The following CR1 variants were observed in gnomAD, a reference collection of about 807,000 sequenced individuals.
CR1 encodes complement C3b/C4b receptor 1 (Knops blood group), also known as complement receptor type 1.
Under a neutral mutation model 187.3 loss-of-function variants are expected in CR1, and 116 were observed. That is an observed-to-expected ratio of 0.62 (90% CI 0.53 to 0.72). The LOEUF (loss-of-function observed/expected upper bound fraction) is 0.72. CR1 is among the 30% of genes least tolerant of loss of function. The probability of loss-of-function intolerance (pLI) is 0.00; values close to 1 mark genes in which losing one functional copy is unlikely to be tolerated. For synonymous variants in CR1, 576 were observed against 747.1 expected (o/e 0.77, Z 3.73); for missense variants, 1,731 against 2,110.7 (o/e 0.82, Z 3.52).
intron 45 of CR1, among the ~76,000 whole-genome samples, chr1:207,625,575 T>A (rs1229108306): frequency 2.0e-5 from 3 of 152,246 alleles, no homozygotes; most frequent in Non-Finnish European, 4.4e-5. Context: ...AAGAAAGAGA[T>A]GAATTAATAC....
chr1:207,584,553 A>G, intron 32 of CR1, 96 bp from the exon 33 acceptor site: 4 of 1,430,224 alleles, frequency 2.8e-6, no homozygotes, highest in Middle Eastern at 1.9e-4. Context: ...AAGTACGCTT[A>G]ATTGGCAACA....
At chr1:207,611,571 A>G (rs1661930402) in intron 37 of CR1, 106 bp from the exon 38 acceptor site, 16 of 1,494,954 alleles carry the variant, frequency 1.1e-5, no homozygotes, top group African/African-American at 1.4e-5. Flanking sequence ...CTCTTTTAAT[A>G]GCTGCACTCT....
chr1:207,514,010 C>G (rs1292993601), intron 4 of CR1, among the ~76,000 whole-genome samples: 1 of 151,950 alleles, frequency 6.6e-6, no homozygotes, highest in South Asian at 2.1e-4. Context: ...CTTATATATT[C>G]TTCATTGCTA....
intron 31 of CR1, among the ~76,000 whole-genome samples, chr1:207,581,325 CATGTACATGTGT>C (rs1660942029): frequency 2.8e-5 from 4 of 141,728 alleles, no homozygotes; most frequent in African/African-American, 9.0e-5. Context: ...TATACGTATA[CATGTACATGTGT>C]ATATGTATAC....
At position 207,523,041 on chromosome 1, in the gene CR1, G is replaced by T. The variant is rs188894255; in HGVS notation, c.488-570G>T. On this transcript the variant is annotated intron_variant, in intron 4 of 46. Coordinates refer to ENST00000367049, the MANE Select transcript of CR1 (RefSeq NM_000651.6). ...TTGTGAAACCTTGAAATTACATTTG[G>T]AAGTATATTTTTGAATGAATTTTGG... Among the ~76,000 whole-genome samples the T allele has an allele frequency of 3.3e-3, 509 of 152,178 alleles. 2 individuals are homozygous for T. Among genetic ancestry groups the T allele is most frequent in the African/African-American group, 0.012 (487 of 41,540 alleles).
intron 2 of CR1, 118 bp downstream of exon 2, chr1:207,506,201 C>T: frequency 1.7e-6 from 2 of 1,186,162 alleles, no homozygotes. Flanking sequence ...AGGTGCAATA[C>T]ATATGAGAAT....
chr1:207,573,728 T>G (rs760021663), intron 27 of CR1, among the ~76,000 whole-genome samples: 1 of 152,198 alleles, frequency 6.6e-6, no homozygotes, highest in Non-Finnish European at 1.5e-5. Context: ...TTTCATTTCA[T>G]ACATGTGATC....
At chr1:207,617,951 TGGC>T (rs1414505735) in intron 41 of CR1, 117 bp from the exon 42 acceptor site, 1 of 1,071,950 alleles carries the variant, frequency 9.3e-7, no homozygotes, top group Non-Finnish European at 1.3e-6. Flanking sequence ...GCTTATGACC[TGGC>T]TGGTTGAGGT....
At chr1:207,506,106 C>T (rs747756659) in intron 2 of CR1, 23 bp downstream of exon 2, 3 of 1,606,258 alleles carry the variant, frequency 1.9e-6, no homozygotes, top group East Asian at 4.5e-5. Flanking sequence ...GGAGTGGGAA[C>T]CCCCCTGTTA....
intron 1 of CR1, among the ~76,000 whole-genome samples, chr1:207,503,973 A>G (rs1413196896): frequency 1.3e-5 from 2 of 152,264 alleles, no homozygotes; most frequent in Admixed American, 1.3e-4. Context: ...GGAATCTTCT[A>G]TCGATGAAAT....
intron 35 of CR1, chr1:207,606,529 A>AT (rs1402625068): frequency 6.6e-6 from 1 of 152,220 alleles, no homozygotes; most frequent in Admixed American, 6.5e-5. Context: ...ATGGCATTCC[A>AT]TTTTACCCTT....
At chr1:207,595,825 G>A (rs642690) in intron 35 of CR1, among the ~76,000 whole-genome samples, 10,651 of 151,122 alleles carry the variant, frequency 0.07, 1,273 homozygotes, top group African/African-American at 0.24. Context: ...TATTTAATAT[G>A]GAAATAAAAT....
chr1:207,606,506 G>C (rs988139623), intron 35 of CR1: 2 of 152,196 alleles, frequency 1.3e-5, no homozygotes, highest in Admixed American at 1.3e-4. Context: ...TGCAGTTACT[G>C]CCTCATCATT....
chr1:207,521,883 G>A (rs1259759026), intron 4 of CR1, among the ~76,000 whole-genome samples: 13 of 148,604 alleles, frequency 8.7e-5, no homozygotes, highest in Non-Finnish European at 1.9e-4. Flanking sequence ...TGCCCAGGCT[G>A]GTCTCAAACT....
intron 1 of CR1, among the ~76,000 whole-genome samples, chr1:207,504,842 T>A (rs935067377): frequency 2.6e-5 from 4 of 152,168 alleles, no homozygotes; most frequent in Admixed American, 6.5e-5. Context: ...ACTGATACTG[T>A]CCAGTGGCCT....
At chr1:207,511,893 T>G (rs1043539013) in intron 4 of CR1, among the ~76,000 whole-genome samples, 1 of 152,224 alleles carries the variant, frequency 6.6e-6, no homozygotes, top group African/African-American at 2.4e-5. Context: ...CCTTCAAACT[T>G]GATTTTACTT....
intron 37 of CR1, among the ~76,000 whole-genome samples, chr1:207,611,161 G>A (rs1351105268): frequency 2.6e-5 from 4 of 151,866 alleles, no homozygotes; most frequent in African/African-American, 9.7e-5. Context: ...AACATGGAGT[G>A]GGAAGAATTA....
chr1:207,582,170 G>C (rs1660977920), intron 32 of CR1, among the ~76,000 whole-genome samples, 167 bp downstream of exon 32: 2 of 152,192 alleles, frequency 1.3e-5, no homozygotes. Flanking sequence ...AAATAAACAT[G>C]AGAATCATGT....
At chr1:207,522,518 A>C (rs1660029413) in intron 4 of CR1, among the ~76,000 whole-genome samples, 1 of 152,146 alleles carries the variant, frequency 6.6e-6, no homozygotes, top group African/African-American at 2.4e-5. Flanking sequence ...CCCATTCCCA[A>C]ACAATAAGCA....
Sources: gnomAD v4.1 joint callset for allele counts (sites outside exome capture counted in the v4.1 genomes callset) on GRCh38, gnomAD v4.1.1 for gene constraint, MANE v1.5 for transcripts, NCBI Gene and HGNC (gene_info 2026-07-23, HGNC 2026-07-21) for gene names.